Variants in GTF2A1 observed in about 807,000 individuals in gnomAD.
GTF2A1 encodes the protein transcription initiation factor IIA subunit 1.
A neutral mutation model predicts 54.1 loss-of-function variants in GTF2A1; 12 were observed. The ratio of observed to expected loss-of-function variants is 0.22; its 90% CI spans 0.14 to 0.36. The LOEUF is 0.36. GTF2A1 is among the 10% of genes least tolerant of loss of function. The probability of loss-of-function intolerance (pLI) is 1.00; values close to 1 mark genes in which losing one functional copy is unlikely to be tolerated. For missense variants in GTF2A1, 335 were observed against 442.2 expected, an observed-to-expected ratio of 0.76 and a Z score of 2.17; for synonymous variants, 145 against 152.0, an observed-to-expected ratio of 0.95 and a Z score of 0.34.
At chr14:81,182,907 G>A (rs911711576) in intron 8 of GTF2A1, among the ~76,000 whole-genome samples, 3 of 152,152 alleles carry the variant, frequency 2.0e-5, no homozygotes, top group Non-Finnish European at 2.9e-5. Context: ...CCAGATGACA[G>A]GGCTAACTCT....
rs146188928 is a variant in GTF2A1 at position 81,211,064 on chromosome 14, A to G, written c.132+5349T>C. Among the ~76,000 whole-genome samples, 380 of 152,340 alleles carry G rather than the reference A, an allele frequency of 2.5e-3. 1 individual carries two copies. The highest frequency in any genetic ancestry group is 5.8e-3 in the South Asian group (28 of 4,822). ...AAACTAGTTTTTTCACAAAAATCCT[A>G]TAAGATAGACATTATTATCTCCCTT... is the stretch of plus-strand genomic sequence containing the variant. On this transcript the variant is annotated intron_variant, in intron 2 of 8. Coordinates refer to ENST00000553612, the MANE Select transcript of GTF2A1 (RefSeq NM_015859.4).
intron 7 of GTF2A1, 121 bp from the exon 8 acceptor site, chr14:81,185,741 G>T: frequency 2.0e-6 from 1 of 503,686 alleles, no homozygotes; most frequent in South Asian, 3.4e-5. Flanking sequence ...TGTACGCCAT[G>T]AATTTAATAT....
chr14:81,194,328 T>C (rs1216479129), intron 6 of GTF2A1, among the ~76,000 whole-genome samples: 1 of 152,236 alleles, frequency 6.6e-6, no homozygotes, highest in Non-Finnish European at 1.5e-5. Context: ...AATTGTCTTC[T>C]GCAAAAACCA....
rs879011381 is a variant in GTF2A1 at position 81,220,737 on chromosome 14, TAAAA to T, written c.-223_-220del. 22 of 198,754 alleles carry T rather than the reference TAAAA, an allele frequency of 1.1e-4. No homozygotes were observed. The highest frequency in any genetic ancestry group is 1.9e-4 in the Non-Finnish European group (20 of 106,238). 12.3% of individuals were successfully genotyped at this position (198,754 alleles called of 1,614,324 possible). On this transcript the variant is annotated 5_prime_UTR_variant, in exon 1 of 9. Transcript: ENST00000553612. ...CAGCTGAAAACCTCGAGAATCGCCT[TAAAA>T]AAAAAAAAAAAGCCACGACCCTTCA...
intron 2 of GTF2A1, among the ~76,000 whole-genome samples, chr14:81,213,458 G>A (rs1893418510): frequency 6.6e-6 from 1 of 152,126 alleles, no homozygotes; most frequent in African/African-American, 2.4e-5. Context: ...GTTTGACCTA[G>A]AGAAAATTAC....
chr14:81,182,592 G>A (rs940150587), intron 8 of GTF2A1, among the ~76,000 whole-genome samples: 31 of 152,226 alleles, frequency 2.0e-4, no homozygotes, highest in African/African-American at 7.2e-4. Flanking sequence ...TATCTCCCAT[G>A]TGAATTATTA....
At chr14:81,216,353 G>A in intron 2 of GTF2A1, 60 bp downstream of exon 2, 2 of 761,294 alleles carry the variant, frequency 2.6e-6, no homozygotes, top group South Asian at 3.1e-5. Context: ...TTCATCTCCG[G>A]CTAAAGAAAA....
rs1460312922 is a variant in GTF2A1, at chr14:81,175,503, A to C, written c.*4720T>G. 6.6e-6 allele frequency: 1 copy of C among 152,216 alleles called. No homozygotes were observed. The highest frequency in any genetic ancestry group is 2.4e-5 in the African/African-American group (1 of 41,456). The allele number at this position is 152,216 out of a possible 1,614,324, so 9.4% of individuals were successfully genotyped here. ...TATTATGATTATGTTAATAGTTAAA[A>C]TTTGCATGTTTTCTAGATAGTCTGT... On this transcript the variant is annotated 3_prime_UTR_variant, in exon 9 of 9. Transcript: ENST00000553612.
At position 81,192,848 on chromosome 14, in the gene GTF2A1, A is replaced by G. The variant is rs1363880115; in HGVS notation, c.613-9T>C. 3 of 1,527,856 alleles carry G rather than the reference A, an allele frequency of 2.0e-6. No individual in the cohort carries two copies. Among genetic ancestry groups the G allele is most frequent in the African/African-American group, 1.4e-5 (1 of 72,984 alleles). 94.6% of individuals were successfully genotyped at this position (1,527,856 alleles called of 1,614,324 possible). A position where few individuals can be genotyped will look rare whatever the true frequency, so the allele number is the denominator to read the frequency against. ...GGAAGAGGAGCCAGCACCTAAAGCAAAAGAAAACCACATAACAGTAACTAG... is the reference window on the plus strand; with the variant it reads ...GGAAGAGGAGCCAGCACCTAAAGCAGAAGAAAACCACATAACAGTAACTAG... On this transcript the variant is annotated splice_polypyrimidine_tract_variant and intron_variant, in intron 6 of 8. Transcript: ENST00000553612.
intron 2 of GTF2A1, among the ~76,000 whole-genome samples, chr14:81,204,588 G>C (rs546430563): frequency 1.3e-5 from 2 of 152,206 alleles, no homozygotes; most frequent in East Asian, 3.9e-4. Flanking sequence ...ATACATAGAT[G>C]CAATCCCCCA....
intron 3 of GTF2A1, among the ~76,000 whole-genome samples, chr14:81,202,493 T>A (rs1403385251): frequency 6.6e-6 from 1 of 152,084 alleles, no homozygotes; most frequent in Non-Finnish European, 1.5e-5. Flanking sequence ...CTCAGGAGGC[T>A]AAGGTGGGAG....
In GTF2A1 at chr14:81,177,468, A is replaced by G. The variant is rs1398413069; in HGVS notation, c.*2755T>C. 1 of 152,150 alleles carries G rather than the reference A, an allele frequency of 6.6e-6. No individual in the cohort carries two copies. The highest frequency in any genetic ancestry group is 6.5e-5 in the Admixed American group (1 of 15,278). 9.4% of individuals were successfully genotyped at this position (152,150 alleles called of 1,614,324 possible). A position where few individuals can be genotyped will look rare whatever the true frequency, so the allele number is the denominator to read the frequency against. On this transcript the variant is annotated 3_prime_UTR_variant, in exon 9 of 9. Transcript: ENST00000553612. The stretch of plus-strand genomic sequence containing the variant: ...AAATGGCCACCAAGCAAGAGTTTGT[A>G]TACTGAAAGGCACACATTTCCATGT...
chr14:81,212,600 A>G (rs2140040138), intron 2 of GTF2A1, among the ~76,000 whole-genome samples: 1 of 152,320 alleles, frequency 6.6e-6, no homozygotes, highest in Middle Eastern at 3.4e-3. Flanking sequence ...ACAGCCTTAT[A>G]CAAGCTTTTG....
intron 1 of GTF2A1, among the ~76,000 whole-genome samples, chr14:81,219,015 C>A (rs1893546715): frequency 6.6e-6 from 1 of 152,052 alleles, no homozygotes; most frequent in African/African-American, 2.4e-5. Context: ...ACCAAGTCCT[C>A]TGCAGCTAAC....
intron 7 of GTF2A1, among the ~76,000 whole-genome samples, chr14:81,191,353 C>G (rs1892872384): frequency 6.6e-6 from 1 of 152,066 alleles, no homozygotes; most frequent in Admixed American, 6.6e-5. Flanking sequence ...TTTGTGTCCC[C>G]AGAAGACATA....
chr14:81,186,002 G>A (rs146832338), intron 7 of GTF2A1, among the ~76,000 whole-genome samples: 1,765 of 152,146 alleles, frequency 0.012, 42 homozygotes, highest in African/African-American at 0.041. Flanking sequence ...ACTGGCACGC[G>A]CCACCACACC....
chr14:81,189,097 A>G (rs1892814035), intron 7 of GTF2A1, among the ~76,000 whole-genome samples: 2 of 152,220 alleles, frequency 1.3e-5, no homozygotes, highest in South Asian at 4.1e-4. Context: ...TGAAAGAATG[A>G]AAAAAGCTGT....
chr14:81,199,127 C>A (rs1420186981), intron 4 of GTF2A1, among the ~76,000 whole-genome samples: 1 of 151,972 alleles, frequency 6.6e-6, no homozygotes, highest in Non-Finnish European at 1.5e-5. Flanking sequence ...AAGAAAAAAA[C>A]AAAAATATTT....
At chr14:81,182,587 C>A (rs552736060) in intron 8 of GTF2A1, among the ~76,000 whole-genome samples, 1 of 152,308 alleles carries the variant, frequency 6.6e-6, no homozygotes, top group East Asian at 1.9e-4. Flanking sequence ...ATCATTATCT[C>A]CCATGTGAAT....
Sources: allele counts gnomAD v4.1 joint callset (sites outside exome capture counted in the v4.1 genomes callset), GRCh38; gene constraint gnomAD v4.1.1; transcripts MANE v1.5; gene names NCBI Gene and HGNC (gene_info 2026-07-23, HGNC 2026-07-21).